OOSP2: variants seen among roughly 807,000 people sequenced by gnomAD.
OOSP2 encodes oocyte-secreted protein 2.
A neutral mutation model predicts 13.4 loss-of-function variants in OOSP2; 7 were observed. The ratio of observed to expected loss-of-function variants is 0.52; its 90% confidence interval spans 0.30 to 0.98. The LOEUF is 0.98. OOSP2 is among the 50% of genes least tolerant of loss of function. The pLI is 0.07. For missense variants in OOSP2, 184 were observed against 188.5 expected (o/e 0.98, Z 0.14); for synonymous variants, 75 against 67.2 (o/e 1.12, Z -0.57).
intron 1 of OOSP2, among the ~76,000 whole-genome samples, chr11:60,042,954 G>C (rs1053835037): frequency 1.1e-4 from 17 of 151,288 alleles, no homozygotes; most frequent in Non-Finnish European, 2.5e-4. Context: ...ACCCAGGCTG[G>C]AGTGCAGTGG....
At chr11:60,041,731 A>G (rs1019244092) in intron 1 of OOSP2, among the ~76,000 whole-genome samples, 4 of 150,928 alleles carry the variant, frequency 2.7e-5, no homozygotes, top group Admixed American at 6.6e-5. Flanking sequence ...GGCGCCTGTA[A>G]TCCCAGCTAC....
At chr11:60,044,607 C>A in intron 2 of OOSP2, 64 bp from the exon 3 acceptor site, 1 of 714,336 alleles carries the variant, frequency 1.4e-6, no homozygotes, top group South Asian at 1.8e-5. Flanking sequence ...ACATCCTATT[C>A]AAGTGTGTGT....
intron 3 of OOSP2, among the ~76,000 whole-genome samples, chr11:60,044,981 A>G (rs1051321915): frequency 2.7e-5 from 4 of 150,676 alleles, no homozygotes; most frequent in Non-Finnish European, 4.4e-5. Context: ...TTATTTTAGA[A>G]TAAAAACATA....
In OOSP2 at chr11:60,040,520, C is replaced by A. The variant is rs1194533346; in HGVS notation, c.61C>A (p.His21Asn). ...GATTTGGACCGGTGCTGAGAACCTC[C>A]ATGGTAAATAACAAGTTTTAGAGAA... ...VLIWTGAENLHVKISCSLDWL... is the reference protein window; with the variant it reads ...VLIWTGAENLNVKISCSLDWL... The change falls in exon 1 of 4, where the codon CAT becomes AAT. Residue 21 changes from histidine (H) to asparagine (N), a missense_variant. Physicochemically the swap from His to Asn is moderately conservative, Grantham distance 68. Coordinates refer to ENST00000278855, the MANE Select transcript of OOSP2 (RefSeq NM_173801.5). The A allele has an allele frequency of 6.4e-7, 1 of 1,557,824 alleles. No homozygotes were observed. Among genetic ancestry groups the A allele is most frequent in the Non-Finnish European group, 8.9e-7 (1 of 1,128,658 alleles).
In OOSP2 at chr11:60,047,683, G is replaced by A. The variant is rs554060813; in HGVS notation, c.*610G>A. On this transcript the variant is annotated 3_prime_UTR_variant, in exon 4 of 4. Transcript: ENST00000278855. ...ACCACTACCTTAACTGAAATTTGAT[G>A]TTAGGTTTCCCTTGTTCCTCCGAAT... 2 of 152,218 alleles carry A rather than the reference G, an allele frequency of 1.3e-5. No homozygotes were observed. Among genetic ancestry groups the A allele is most frequent in the African/African-American group, 4.8e-5 (2 of 41,548 alleles). The allele number at this position is 152,218 out of a possible 1,614,324, so 9.4% of individuals were successfully genotyped here.
intron 1 of OOSP2, among the ~76,000 whole-genome samples, chr11:60,042,453 G>A (rs1416549172): frequency 2.0e-5 from 3 of 152,196 alleles, no homozygotes; most frequent in East Asian, 1.9e-4. Context: ...GAACTTCCAA[G>A]CTCCAGTGGT....
At chr11:60,042,171 T>TG (rs151113241) in intron 1 of OOSP2, among the ~76,000 whole-genome samples, 246 of 152,310 alleles carry the variant, frequency 1.6e-3, no homozygotes, top group Non-Finnish European at 2.7e-3. Context: ...AATGTTACTG[T>TG]GAAAAAAAAT....
At chr11:60,043,771 C>A in intron 2 of OOSP2, 124 bp downstream of exon 2, 3 of 562,946 alleles carry the variant, frequency 5.3e-6, no homozygotes, top group South Asian at 2.8e-5. Context: ...GGGCAGGGGA[C>A]AACGGAATTT....
rs1254824314 is a variant in OOSP2 at position 60,047,194 on chromosome 11, A to C, written c.*121A>C. On this transcript the variant is annotated 3_prime_UTR_variant, in exon 4 of 4. Coordinates refer to ENST00000278855, the MANE Select transcript of OOSP2 (RefSeq NM_173801.5). The stretch of plus-strand genomic sequence containing the variant: ...CTCCTTAAGTCTCTGGTTTCTAAAA[A>C]CCCTACTTCAGTAAAGGTCCTGATT... 1 of 772,166 alleles carries C rather than the reference A, an allele frequency of 1.3e-6. No individual in the cohort carries two copies. Among genetic ancestry groups the C allele is most frequent in the Non-Finnish European group, 2.1e-6 (1 of 482,270 alleles). 47.8% of individuals were successfully genotyped at this position (772,166 alleles called of 1,614,324 possible).
chr11:60,046,444 TA>T (rs3216091), intron 3 of OOSP2, among the ~76,000 whole-genome samples: 34,539 of 150,068 alleles, frequency 0.23, 4,514 homozygotes, highest in East Asian at 0.42. Flanking sequence ...CTACTTTCCT[TA>T]AAAAAAAAAT....
chr11:60,044,776 T>G lies in OOSP2; in HGVS notation c.347+2T>G. The G allele has an allele frequency of 7.1e-7, 1 of 1,411,390 alleles. No homozygotes were observed. Among genetic ancestry groups the G allele is most frequent in the Non-Finnish European group, 1.0e-6 (1 of 998,518 alleles). The allele number at this position is 1,411,390 out of a possible 1,614,324, so 87.4% of individuals were successfully genotyped here. On this transcript the variant is annotated splice_donor_variant, in intron 3 of 3. Coordinates refer to ENST00000278855, the MANE Select transcript of OOSP2 (RefSeq NM_173801.5). LOFTEE classifies it high-confidence loss of function. The stretch of plus-strand genomic sequence containing the variant: ...CCATTTGGAGTGTTCCACCTCTAGG[T>G]AAGTCCAGCAGATTTGATTCCTTTG...
At position 60,044,741 on chromosome 11, in the gene OOSP2, C is replaced by A. The variant is rs1394183199; in HGVS notation, c.314C>A (p.Pro105His). Residue 105 changes from proline to histidine, a missense_variant, in exon 3 of 4, where the codon CCT becomes CAT. By Grantham distance (77) the Pro-to-His change is moderately conservative. Coordinates refer to ENST00000278855, the MANE Select transcript of OOSP2 (RefSeq NM_173801.5). ...ACCCCAAGGAATATAGATCATGACCCTCAGGAAATCCATTTGGAGTGTTCC... is the reference window on the plus strand; with the variant it reads ...ACCCCAAGGAATATAGATCATGACCATCAGGAAATCCATTTGGAGTGTTCC... ...YFTPRNIDHD[P>H]QEIHLECSTS... The A allele has an allele frequency of 7.5e-6, 12 of 1,597,536 alleles. No individual in the cohort carries two copies. The highest frequency in any genetic ancestry group is 9.4e-6 in the Non-Finnish European group (11 of 1,165,522).
chr11:60,045,676 A>G (rs1368156560), intron 3 of OOSP2, among the ~76,000 whole-genome samples: 1 of 152,166 alleles, frequency 6.6e-6, no homozygotes, highest in Non-Finnish European at 1.5e-5. Flanking sequence ...GGGAAAATGT[A>G]CAAATCTTTT....
intron 1 of OOSP2, 75 bp from the exon 2 acceptor site, chr11:60,043,394 C>A: frequency 1.1e-6 from 1 of 872,146 alleles, no homozygotes; most frequent in Non-Finnish European, 1.8e-6. Context: ...TCACAGAGGG[C>A]AGAGTTGACT....
At chr11:60,045,131 CT>C (rs1854992243) in intron 3 of OOSP2, among the ~76,000 whole-genome samples, 1 of 138,270 alleles carries the variant, frequency 7.2e-6, no homozygotes, top group Admixed American at 8.1e-5. Flanking sequence ...AATGTTTTGT[CT>C]TTTATAATAT....
At chr11:60,043,440 T>C in intron 1 of OOSP2, 29 bp from the exon 2 acceptor site, 1 of 1,523,520 alleles carries the variant, frequency 6.6e-7, no homozygotes, top group Non-Finnish European at 9.1e-7. Flanking sequence ...GACACCCTTC[T>C]GATGCTTTTC....
rs372899637 is a variant in OOSP2 at position 60,041,841 on chromosome 11, A to G, written c.64+1318A>G. On this transcript the variant is annotated intron_variant, in intron 1 of 3. Transcript: ENST00000278855. The stretch of plus-strand genomic sequence containing the variant: ...ACTCCAGCCTGGGTGACAGAGCGAG[A>G]CTCTGTCTCAAAAAAAAAAAAAAAA... Among the ~76,000 whole-genome samples the G allele has an allele frequency of 6.9e-3, 660 of 96,290 alleles. 8 individuals are homozygous for G. The highest frequency in any genetic ancestry group is 0.021 in the African/African-American group (537 of 25,972). 63.2% of individuals were successfully genotyped at this position (96,290 alleles called of 152,430 possible).
At chr11:60,042,785 C>CT (rs1290624131) in intron 1 of OOSP2, among the ~76,000 whole-genome samples, 1 of 152,116 alleles carries the variant, frequency 6.6e-6, no homozygotes, top group East Asian at 1.9e-4. Context: ...GATGATATCG[C>CT]TTTTATTCTA....
At chr11:60,043,143 A>G (rs1356505657) in intron 1 of OOSP2, among the ~76,000 whole-genome samples, 1 of 151,986 alleles carries the variant, frequency 6.6e-6, no homozygotes, top group Non-Finnish European at 1.5e-5. Context: ...TGACCTTGTA[A>G]TGCGCCCGCC....
Sources: allele counts gnomAD v4.1 joint callset (sites outside exome capture counted in the v4.1 genomes callset), GRCh38; gene constraint gnomAD v4.1.1; transcripts MANE v1.5; gene names NCBI Gene and HGNC (gene_info 2026-07-23, HGNC 2026-07-21).